Variants in DLC1 observed in about 807,000 individuals in gnomAD.
The protein encoded by DLC1 is DLC1 Rho GTPase activating protein, also known as rho GTPase-activating protein 7.
DLC1 carries 54 observed loss-of-function variants against 140.3 expected under a neutral mutation model. The ratio of observed to expected loss-of-function variants is 0.38; its 90% confidence interval spans 0.31 to 0.48. The LOEUF is 0.48. Among genes scored for constraint, DLC1 ranks in the 20% least tolerant of loss-of-function variants. The pLI, the probability that DLC1 is intolerant of heterozygous loss-of-function variation, is 0.96. For synonymous variants in DLC1, 986 were observed against 728.1 expected, an observed-to-expected ratio of 1.35 and a Z score of -5.70; for missense variants, 2,536 against 1,907.0, an observed-to-expected ratio of 1.33 and a Z score of -6.14.
At chr8:13,398,923 A>C (rs936888329) in intron 3 of DLC1, among the ~76,000 whole-genome samples, 3 of 152,180 alleles carry the variant, frequency 2.0e-5, no homozygotes, top group Non-Finnish European at 2.9e-5. Context: ...ATTTTCTATG[A>C]GAAGAGGAAG....
intron 3 of DLC1, among the ~76,000 whole-genome samples, 181 bp from the exon 4 acceptor site, chr8:13,393,874 G>T (rs1836888448): frequency 3.3e-5 from 5 of 152,174 alleles, no homozygotes; most frequent in Admixed American, 3.3e-4. Flanking sequence ...AAGAACCATT[G>T]TACTCATCAG....
chr8:13,316,725 C>T (rs1443201138), intron 4 of DLC1, among the ~76,000 whole-genome samples: 1 of 152,130 alleles, frequency 6.6e-6, no homozygotes, highest in Non-Finnish European at 1.5e-5. Flanking sequence ...CAGATTTTCT[C>T]CTCTCTGGGT....
intron 1 of DLC1, among the ~76,000 whole-genome samples, chr8:13,512,306 T>A (rs968877363): frequency 6.6e-6 from 1 of 152,132 alleles, no homozygotes; most frequent in Admixed American, 6.5e-5. Flanking sequence ...ATGTGTTACA[T>A]TTATGAGAAA....
At chr8:13,503,873 G>A (rs886651359) in intron 1 of DLC1, among the ~76,000 whole-genome samples, 9 of 152,078 alleles carry the variant, frequency 5.9e-5, no homozygotes, top group African/African-American at 1.4e-4. Flanking sequence ...ATCTATCTGT[G>A]GTAAATATCT....
intron 4 of DLC1, among the ~76,000 whole-genome samples, chr8:13,344,949 T>C (rs1834258217): frequency 6.6e-6 from 1 of 152,164 alleles, no homozygotes; most frequent in African/African-American, 2.4e-5. Flanking sequence ...TCAAATTGGA[T>C]AATGAGGGGA....
At position 13,410,772 on chromosome 8, in the gene DLC1, C is replaced by G. The variant is rs553569869; in HGVS notation, c.1024-9153G>C. Among the ~76,000 whole-genome samples the G allele has an allele frequency of 5.4e-4, 82 of 152,254 alleles. 2 individuals are homozygous for G. The South Asian group carries it at 0.015, about 28-fold the overall frequency. On this transcript the variant is annotated intron_variant, in intron 2 of 17. Coordinates refer to ENST00000276297, the MANE Select transcript of DLC1 (RefSeq NM_182643.3). ...ACAACTAATTTGTTATGTGTACTCT[C>G]TGTTTCCCCACTAGATCGTCAGCCC...
intron 9 of DLC1, among the ~76,000 whole-genome samples, chr8:13,098,929 T>C (rs564165782): frequency 6.5e-4 from 99 of 152,304 alleles, no homozygotes; most frequent in African/African-American, 2.3e-3. Flanking sequence ...GGCTTTTTAA[T>C]AGGTAGAAGC....
intron 4 of DLC1, among the ~76,000 whole-genome samples, chr8:13,305,615 A>T (rs186229218): frequency 1.3e-5 from 2 of 152,290 alleles, no homozygotes; most frequent in East Asian, 3.9e-4. Context: ...AGACAGGCGG[A>T]TCGTTGAGCC....
intron 5 of DLC1, among the ~76,000 whole-genome samples, chr8:13,130,982 C>T (rs938481284): frequency 6.6e-6 from 1 of 152,182 alleles, no homozygotes; most frequent in African/African-American, 2.4e-5. Context: ...TCTGGCATGC[C>T]ACAAGAAATG....
At chr8:13,549,709 A>C (rs1264944600) in intron 1 of DLC1, among the ~76,000 whole-genome samples, 1 of 152,128 alleles carries the variant, frequency 6.6e-6, no homozygotes, top group African/African-American at 2.4e-5. Context: ...TCAGAATTGG[A>C]AGGTCATGCT....
chr8:13,505,077 G>A (rs1185204594), intron 1 of DLC1, among the ~76,000 whole-genome samples: 1 of 152,114 alleles, frequency 6.6e-6, no homozygotes, highest in African/African-American at 2.4e-5. Context: ...AATAGTTATA[G>A]AGAACACTAG....
intron 13 of DLC1, among the ~76,000 whole-genome samples, chr8:13,092,056 C>T (rs968116694): frequency 8.5e-5 from 13 of 152,112 alleles, no homozygotes; most frequent in Admixed American, 6.5e-4. Context: ...ACCAGCCTGG[C>T]CAACATGGTG....
chr8:13,415,230 A>G (rs1194001085), intron 2 of DLC1, among the ~76,000 whole-genome samples: 1 of 152,202 alleles, frequency 6.6e-6, no homozygotes, highest in Non-Finnish European at 1.5e-5. Context: ...GTATTTAAAT[A>G]AATTAAATAA....
intron 5 of DLC1, among the ~76,000 whole-genome samples, chr8:13,158,533 C>T (rs973965825): frequency 5.3e-5 from 8 of 152,082 alleles, no homozygotes; most frequent in African/African-American, 1.9e-4. Flanking sequence ...GAAATGCATC[C>T]AGTAATATGT....
intron 1 of DLC1, among the ~76,000 whole-genome samples, chr8:13,520,808 G>T (rs1187264797): frequency 6.6e-6 from 1 of 151,984 alleles, no homozygotes; most frequent in Non-Finnish European, 1.5e-5. Context: ...TGCCCATAGA[G>T]GCTGAGGCTC....
intron 5 of DLC1, among the ~76,000 whole-genome samples, chr8:13,148,243 C>T (rs1019488637): frequency 1.3e-5 from 2 of 152,010 alleles, no homozygotes; most frequent in Non-Finnish European, 2.9e-5. Flanking sequence ...GGAATTAAGT[C>T]CAGTACCCAA....
intron 4 of DLC1, among the ~76,000 whole-genome samples, chr8:13,321,190 A>G (rs1465976951): frequency 6.6e-6 from 1 of 152,184 alleles, no homozygotes; most frequent in African/African-American, 2.4e-5. Context: ...CTATTCACCT[A>G]TGTGCTAAAC....
intron 5 of DLC1, among the ~76,000 whole-genome samples, chr8:13,121,662 C>T (rs182125081): frequency 1.4e-4 from 22 of 152,204 alleles, no homozygotes; most frequent in African/African-American, 5.3e-4. Flanking sequence ...AACCCTCCTG[C>T]CTCAGCCTCC....
At chr8:13,507,277 G>A (rs574824535) in intron 1 of DLC1, among the ~76,000 whole-genome samples, 1 of 152,286 alleles carries the variant, frequency 6.6e-6, no homozygotes, top group East Asian at 1.9e-4. Flanking sequence ...CTTGACATAT[G>A]CTTAGAAGCC....
Sources: gnomAD v4.1 joint callset for allele counts (sites outside exome capture counted in the v4.1 genomes callset) on GRCh38, gnomAD v4.1.1 for gene constraint, MANE v1.5 for transcripts, NCBI Gene and HGNC (gene_info 2026-07-23, HGNC 2026-07-21) for gene names.